Variants in MACROD2 observed in about 807,000 individuals in gnomAD.
MACROD2 encodes ADP-ribose glycohydrolase MACROD2.
Under a neutral mutation model 70.4 loss-of-function variants are expected in MACROD2, and 36 were observed. That is an observed-to-expected ratio of 0.51 (90% CI 0.39 to 0.68). The LOEUF is 0.68. MACROD2 is among the 30% of genes least tolerant of loss of function. The pLI, the probability that MACROD2 is intolerant of heterozygous loss-of-function variation, is 0.00. For synonymous variants in MACROD2, 172 were observed against 178.8 expected (o/e 0.96, Z 0.30); for missense variants, 496 against 538.4 (o/e 0.92, Z 0.78).
chr20:15,147,767 T>C (rs1223000425), intron 5 of MACROD2, among the ~76,000 whole-genome samples: 1 of 152,016 alleles, frequency 6.6e-6, no homozygotes, highest in East Asian at 1.9e-4. Context: ...TTCACCTGGG[T>C]GCAGGCGGGC....
chr20:14,491,920 G>A (rs549233174), intron 3 of MACROD2, among the ~76,000 whole-genome samples: 1 of 152,300 alleles, frequency 6.6e-6, no homozygotes, highest in African/African-American at 2.4e-5. Flanking sequence ...AAATCAGCAG[G>A]AGTGTGAAAT....
At chr20:14,239,100 A>G (rs986866060) in intron 3 of MACROD2, among the ~76,000 whole-genome samples, 21 of 152,206 alleles carry the variant, frequency 1.4e-4, no homozygotes, top group South Asian at 2.1e-4. Flanking sequence ...TGGGACCCCA[A>G]TGAAGAATAC....
chr20:15,179,909 G>A lies in MACROD2; in HGVS notation c.419-50031G>A, dbSNP rs565911406. On this transcript the variant is annotated intron_variant, in intron 5 of 17. Transcript: ENST00000684519. ...ACAGACCAGATGGCTTAAACAATAGGAATTTATTTTCTTACAGTTCTGTAG... is the reference window on the plus strand; with the variant it reads ...ACAGACCAGATGGCTTAAACAATAGAAATTTATTTTCTTACAGTTCTGTAG... 2.1e-3 allele frequency among the ~76,000 whole-genome samples: 315 copies of A among 152,290 alleles called. 1 individual carries two copies. Among genetic ancestry groups the A allele is most frequent in the African/African-American group, 7.0e-3 (290 of 41,560 alleles).
intron 3 of MACROD2, among the ~76,000 whole-genome samples, chr20:14,361,006 C>G (rs1425770424): frequency 6.6e-6 from 1 of 152,154 alleles, no homozygotes; most frequent in Admixed American, 6.5e-5. Context: ...TCCTTGATGT[C>G]AAAGACCATA....
At chr20:15,258,725 A>C (rs2077222110) in intron 6 of MACROD2, among the ~76,000 whole-genome samples, 2 of 152,086 alleles carry the variant, frequency 1.3e-5, no homozygotes, top group South Asian at 4.1e-4. Flanking sequence ...GCCAAATAGT[A>C]CTTTTGAAAA....
At chr20:14,729,356 G>C (rs544827468) in intron 5 of MACROD2, among the ~76,000 whole-genome samples, 1 of 152,008 alleles carries the variant, frequency 6.6e-6, no homozygotes. Context: ...CTTTTATCAC[G>C]CATGAAAAAC....
intron 4 of MACROD2, among the ~76,000 whole-genome samples, chr20:14,646,006 A>G (rs1042406206): frequency 7.0e-6 from 1 of 142,516 alleles, no homozygotes; most frequent in African/African-American, 2.5e-5. Context: ...AAGTAAATAT[A>G]TAAGTTATAA....
chr20:14,237,983 T>G (rs2081892901), intron 3 of MACROD2, among the ~76,000 whole-genome samples: 1 of 152,044 alleles, frequency 6.6e-6, no homozygotes, highest in African/African-American at 2.4e-5. Flanking sequence ...TTTGCTATTG[T>G]GAATAGTGCC....
At chr20:14,811,782 C>T (rs111305673) in intron 5 of MACROD2, among the ~76,000 whole-genome samples, 8,541 of 152,154 alleles carry the variant, frequency 0.056, 324 homozygotes, top group African/African-American at 0.087. Context: ...TGAATGGACA[C>T]TTCTCAAAAG....
At chr20:14,550,019 C>T (rs1978548347) in intron 4 of MACROD2, among the ~76,000 whole-genome samples, 1 of 151,874 alleles carries the variant, frequency 6.6e-6, no homozygotes, top group African/African-American at 2.4e-5. Flanking sequence ...ACCTCCACCT[C>T]CCAGGTTCAA....
At chr20:14,043,447 A>G (rs376297509) in intron 2 of MACROD2, among the ~76,000 whole-genome samples, 19 of 152,350 alleles carry the variant, frequency 1.2e-4, no homozygotes, top group African/African-American at 4.1e-4. Context: ...GTGCCACCCT[A>G]GAGGAACCTT....
chr20:15,202,189 T>A (rs1362735870), intron 5 of MACROD2, among the ~76,000 whole-genome samples: 1 of 152,174 alleles, frequency 6.6e-6, no homozygotes. Flanking sequence ...TCATTTTAGC[T>A]ACATGGAGAA....
intron 4 of MACROD2, among the ~76,000 whole-genome samples, chr20:14,671,969 T>G (rs1286501468): frequency 6.6e-6 from 1 of 152,206 alleles, no homozygotes; most frequent in African/African-American, 2.4e-5. Flanking sequence ...AGCTATATTG[T>G]TTTTCCTCCC....
At chr20:15,735,300 T>C (rs2051003554) in intron 8 of MACROD2, among the ~76,000 whole-genome samples, 1 of 152,102 alleles carries the variant, frequency 6.6e-6, no homozygotes, top group Admixed American at 6.6e-5. Context: ...CAAAAGCCCA[T>C]GATGTCACCA....
At chr20:15,002,597 GA>G (rs1451429801) in intron 5 of MACROD2, among the ~76,000 whole-genome samples, 2 of 152,070 alleles carry the variant, frequency 1.3e-5, no homozygotes, top group Non-Finnish European at 2.9e-5. Flanking sequence ...ACAGGGTGGG[GA>G]AAAAGTTAGT....
At chr20:15,267,378 G>C (rs935489278) in intron 6 of MACROD2, among the ~76,000 whole-genome samples, 4 of 152,150 alleles carry the variant, frequency 2.6e-5, no homozygotes, top group Admixed American at 1.3e-4. Flanking sequence ...TTCTGCACCA[G>C]ACTGCTCAAT....
chr20:14,202,904 C>T (rs952900508), intron 3 of MACROD2, among the ~76,000 whole-genome samples: 3 of 152,052 alleles, frequency 2.0e-5, no homozygotes, highest in South Asian at 2.1e-4. Context: ...CAAAATTACC[C>T]GGATGTGGTG....
intron 4 of MACROD2, among the ~76,000 whole-genome samples, chr20:14,667,929 G>T (rs1046574898): frequency 9.2e-5 from 14 of 152,058 alleles, no homozygotes; most frequent in Non-Finnish European, 2.9e-5. Context: ...GCCAAGGCAG[G>T]CAGATCTCTT....
chr20:14,760,620 C>T (rs2072003546), intron 5 of MACROD2, among the ~76,000 whole-genome samples: 1 of 152,096 alleles, frequency 6.6e-6, no homozygotes, highest in Non-Finnish European at 1.5e-5. Flanking sequence ...CCCTAACATG[C>T]ACCATCCACC....
Sources: gnomAD v4.1 joint callset for allele counts (sites outside exome capture counted in the v4.1 genomes callset) on GRCh38, gnomAD v4.1.1 for gene constraint, MANE v1.5 for transcripts, NCBI Gene and HGNC (gene_info 2026-07-23, HGNC 2026-07-21) for gene names.